FGF12: variants seen among roughly 807,000 people sequenced by gnomAD.
The protein encoded by FGF12 is fibroblast growth factor 12B.
Under a neutral mutation model 23.6 loss-of-function variants are expected in FGF12, and 14 were observed. The ratio of observed to expected loss-of-function variants is 0.59; its 90% CI spans 0.39 to 0.93. FGF12 has a LOEUF of 0.93. Among genes scored for constraint, FGF12 ranks in the 40% least tolerant of loss-of-function variants. The pLI is 0.00. For missense variants in FGF12, 175 were observed against 217.8 expected (o/e 0.80, Z 1.24); for synonymous variants, 62 against 77.3 (o/e 0.80, Z 1.04).
At chr3:192,312,034 T>C (rs1185116226) in intron 4 of FGF12, among the ~76,000 whole-genome samples, 1 of 152,164 alleles carries the variant, frequency 6.6e-6, no homozygotes, top group African/African-American at 2.4e-5. Flanking sequence ...TATTACTGAG[T>C]TATAAGAGTT....
At chr3:192,226,734 TAAC>T (rs1372558313) in intron 4 of FGF12, among the ~76,000 whole-genome samples, 1 of 152,088 alleles carries the variant, frequency 6.6e-6, no homozygotes, top group Non-Finnish European at 1.5e-5. Flanking sequence ...TGAATATACT[TAAC>T]TACAACATAT....
chr3:192,346,067 A>G (rs548988698), intron 3 of FGF12, among the ~76,000 whole-genome samples: 6 of 152,272 alleles, frequency 3.9e-5, no homozygotes, highest in Admixed American at 2.6e-4. Flanking sequence ...TTGAAAAATA[A>G]AATGATTATT....
In FGF12 at chr3:192,142,216, TCTA is replaced by T. The variant is rs1158331623; in HGVS notation, c.*1790_*1792del. ...TCCTTCATTTCATTTTCTGCTAACC[TCTA>T]GATAACAGAAATAGGATACCTGGTG... On this transcript the variant is annotated 3_prime_UTR_variant, in exon 6 of 6. Coordinates refer to ENST00000445105, the MANE Select transcript of FGF12 (RefSeq NM_004113.6). 6.6e-6 allele frequency: 1 copy of T among 152,564 alleles called. No individual in the cohort carries two copies. The highest frequency in any genetic ancestry group is 1.5e-5 in the Non-Finnish European group (1 of 67,964). The allele number at this position is 152,564 out of a possible 1,614,324, so 9.5% of individuals were successfully genotyped here. A position where few individuals can be genotyped will look rare whatever the true frequency, so the allele number is the denominator to read the frequency against.
At chr3:192,649,706 C>T (rs141902448) in intron 2 of FGF12, among the ~76,000 whole-genome samples, 159 of 149,608 alleles carry the variant, frequency 1.1e-3, no homozygotes, top group African/African-American at 3.8e-3. Flanking sequence ...TAGGCGTGCA[C>T]CGTCACATGC....
rs1227413046 is a variant in FGF12 at position 192,727,517 on chromosome 3, C to G, written c.-164G>C. 11 of 531,738 alleles carry G rather than the reference C, an allele frequency of 2.1e-5. No individual in the cohort carries two copies. The highest frequency in any genetic ancestry group is 3.6e-5 in the Non-Finnish European group (11 of 304,432). The allele number at this position is 531,738 out of a possible 1,614,324, so 32.9% of individuals were successfully genotyped here. ...GGAAGCTGCAGGCAGGAGCTGTCCT[C>G]CGAGCGTGGTGCTGCAGGTGTAGTG... On this transcript the variant is annotated 5_prime_UTR_variant, in exon 1 of 6. Coordinates refer to ENST00000445105, the MANE Select transcript of FGF12 (RefSeq NM_004113.6).
intron 2 of FGF12, among the ~76,000 whole-genome samples, chr3:192,392,597 AG>A (rs1720349781): frequency 2.7e-5 from 1 of 36,542 alleles, no homozygotes; most frequent in African/African-American, 2.8e-4. Context: ...ACTCCGAGAG[AG>A]AGAGAGAGAG....
chr3:192,373,286 ATT>A (rs10662970), intron 2 of FGF12, among the ~76,000 whole-genome samples: 17 of 141,574 alleles, frequency 1.2e-4, no homozygotes, highest in African/African-American at 3.3e-4. Context: ...GGAAGCAAAC[ATT>A]TTTTTTTTTT....
intron 5 of FGF12, among the ~76,000 whole-genome samples, chr3:192,149,431 A>C (rs1376239479): frequency 1.5e-5 from 2 of 137,152 alleles, no homozygotes; most frequent in African/African-American, 5.4e-5. Flanking sequence ...GTCATCTAGC[A>C]TTAGGTATAT....
chr3:192,447,642 C>T (rs112692846), intron 2 of FGF12, among the ~76,000 whole-genome samples: 35 of 152,224 alleles, frequency 2.3e-4, no homozygotes, highest in Middle Eastern at 3.4e-3. Flanking sequence ...TTTCTCATCA[C>T]GTAAAATTTT....
chr3:192,208,676 A>C (rs1431391317), intron 4 of FGF12, among the ~76,000 whole-genome samples: 1 of 152,242 alleles, frequency 6.6e-6, no homozygotes, highest in Non-Finnish European at 1.5e-5. Flanking sequence ...GAATAATTTC[A>C]ATTTTAAAAC....
At chr3:192,485,036 AT>A (rs1723593406) in intron 2 of FGF12, among the ~76,000 whole-genome samples, 3 of 149,174 alleles carry the variant, frequency 2.0e-5, no homozygotes, top group East Asian at 3.9e-4. Flanking sequence ...GTACACATAA[AT>A]TTTAAAATTT....
intron 2 of FGF12, among the ~76,000 whole-genome samples, chr3:192,398,695 TC>T: frequency 6.6e-6 from 1 of 152,158 alleles, no homozygotes; most frequent in Admixed American, 6.5e-5. Flanking sequence ...TATATATAGC[TC>T]CCTTGTTTTT....
intron 2 of FGF12, among the ~76,000 whole-genome samples, chr3:192,477,409 C>A (rs1039044767): frequency 1.1e-4 from 16 of 152,100 alleles, no homozygotes; most frequent in African/African-American, 3.9e-4. Flanking sequence ...GGCTCAAAGT[C>A]TTCCCAATAA....
At chr3:192,621,296 T>A (rs893533845) in intron 2 of FGF12, among the ~76,000 whole-genome samples, 3 of 152,188 alleles carry the variant, frequency 2.0e-5, no homozygotes, top group Admixed American at 2.0e-4. Context: ...CTGTCCAGAA[T>A]TTTTTCCCAT....
intron 2 of FGF12, among the ~76,000 whole-genome samples, chr3:192,601,615 T>C (rs1577073735): frequency 6.6e-6 from 1 of 152,018 alleles, no homozygotes; most frequent in South Asian, 2.1e-4. Flanking sequence ...TAGGGGTTAG[T>C]GAAGATGGGG....
At chr3:192,493,550 T>C (rs1015049621) in intron 2 of FGF12, among the ~76,000 whole-genome samples, 1 of 152,070 alleles carries the variant, frequency 6.6e-6, no homozygotes, top group Non-Finnish European at 1.5e-5. Context: ...CCTGGGTAAT[T>C]TATAAAGAAA....
intron 5 of FGF12, among the ~76,000 whole-genome samples, chr3:192,160,381 A>G (rs1475525727): frequency 6.6e-6 from 1 of 152,214 alleles, no homozygotes; most frequent in East Asian, 1.9e-4. Flanking sequence ...GCTCATTATT[A>G]GGCATCCTCG....
intron 4 of FGF12, among the ~76,000 whole-genome samples, chr3:192,263,908 C>T (rs1712915185): frequency 6.6e-6 from 1 of 152,044 alleles, no homozygotes; most frequent in Non-Finnish European, 1.5e-5. Context: ...TATTCTTATT[C>T]TTCTTTGACT....
chr3:192,505,536 T>C (rs961741924), intron 2 of FGF12, among the ~76,000 whole-genome samples: 3 of 152,234 alleles, frequency 2.0e-5, no homozygotes, highest in African/African-American at 7.2e-5. Context: ...ATTGGGGTTA[T>C]AGATTTATAA....
Sources: allele counts gnomAD v4.1 joint callset (sites outside exome capture counted in the v4.1 genomes callset), GRCh38; gene constraint gnomAD v4.1.1; transcripts MANE v1.5; gene names NCBI Gene and HGNC (gene_info 2026-07-23, HGNC 2026-07-21).